The following VAV2 variants were observed in gnomAD, a reference collection of about 807,000 sequenced individuals.
The protein encoded by VAV2 is guanine nucleotide exchange factor VAV2.
VAV2 carries 67 observed loss-of-function variants against 132.5 expected under a neutral mutation model. That is an observed-to-expected ratio of 0.51 (90% CI 0.42 to 0.62). The LOEUF (loss-of-function observed/expected upper bound fraction) is 0.62. VAV2 is among the 20% of genes least tolerant of loss of function. VAV2 has a pLI of 0.00. For missense variants in VAV2, 938 were observed against 1,153.6 expected, an observed-to-expected ratio of 0.81 and a Z score of 2.71; for synonymous variants, 492 against 443.5, an observed-to-expected ratio of 1.11 and a Z score of -1.37.
At chr9:133,808,962 G>T in intron 7 of VAV2, 78 bp downstream of exon 7, 2 of 1,346,396 alleles carry the variant, frequency 1.5e-6, no homozygotes, top group South Asian at 1.3e-5. Context: ...CCTCCGGAAT[G>T]CACTCCCAGG....
intron 2 of VAV2, among the ~76,000 whole-genome samples, chr9:133,938,038 C>T (rs541031816): frequency 1.5e-3 from 226 of 152,368 alleles, no homozygotes; most frequent in Non-Finnish European, 2.4e-3. Context: ...ACACGCTCCT[C>T]TCAGAACCGA....
chr9:133,958,349 G>A (rs1401248280), intron 1 of VAV2, among the ~76,000 whole-genome samples: 4 of 147,144 alleles, frequency 2.7e-5, no homozygotes, highest in Non-Finnish European at 6.1e-5. Flanking sequence ...GGGAAAAACC[G>A]CCTTAGGGCT....
At chr9:133,784,197 C>T (rs1178393223) in intron 18 of VAV2, 120 bp downstream of exon 18, 1 of 1,102,376 alleles carries the variant, frequency 9.1e-7, no homozygotes. Context: ...GTGGGGTATA[C>T]TCCCTTAACC....
chr9:133,981,304 C>A (rs373111627), intron 1 of VAV2, among the ~76,000 whole-genome samples: 15 of 152,350 alleles, frequency 9.8e-5, no homozygotes, highest in South Asian at 6.2e-4. Flanking sequence ...CACGACCACA[C>A]CCCCCACTAT....
chr9:133,969,191 C>G lies in VAV2; in HGVS notation c.204+22884G>C. 6.6e-6 allele frequency among the ~76,000 whole-genome samples: 1 copy of G among 151,750 alleles called. No homozygotes were observed. Among genetic ancestry groups the G allele is most frequent in the Middle Eastern group, 3.2e-3 (1 of 316 alleles). ...TGCGAGGACGAGAGCTGGATTCCAC[C>G]GTGCCCGCCGGGCCTGCGAGGACGA... is the stretch of plus-strand genomic sequence containing the variant. On this transcript the variant is annotated intron_variant, in intron 1 of 29. Transcript: ENST00000371850. The surrounding 1 kb of genome is among the most constrained non-coding windows in gnomAD (Gnocchi z 5.1).
At chr9:133,783,744 C>A (rs1834101883) in intron 18 of VAV2, among the ~76,000 whole-genome samples, 153 bp from the exon 19 acceptor site, 1 of 152,064 alleles carries the variant, frequency 6.6e-6, no homozygotes, top group African/African-American at 2.4e-5. Flanking sequence ...CCAGGACCCT[C>A]CCTTACCAGG....
intron 2 of VAV2, among the ~76,000 whole-genome samples, chr9:133,864,015 G>A (rs566453098): frequency 6.6e-6 from 1 of 152,144 alleles, no homozygotes; most frequent in Non-Finnish European, 1.5e-5. Context: ...AGAGCTGGGT[G>A]TCCCCAGGGG....
chr9:133,848,052 C>T (rs59444320), intron 3 of VAV2, among the ~76,000 whole-genome samples: 6,575 of 152,068 alleles, frequency 0.043, 431 homozygotes, highest in African/African-American at 0.14. Context: ...CCGAGACGGG[C>T]GGATCACGAG....
intron 1 of VAV2, among the ~76,000 whole-genome samples, chr9:133,957,536 G>A (rs1333452676): frequency 7.9e-5 from 12 of 152,090 alleles, no homozygotes; most frequent in South Asian, 2.1e-4. Flanking sequence ...CTGCCTCCCC[G>A]GCTGCAGGGC....
At chr9:133,965,335 T>A (rs1472986441) in intron 1 of VAV2, among the ~76,000 whole-genome samples, 67 of 143,388 alleles carry the variant, frequency 4.7e-4, no homozygotes, top group African/African-American at 1.3e-3. Flanking sequence ...AAAAAAAAAA[T>A]AATAATAACA....
chr9:133,773,884 T>C (rs1203394051), intron 25 of VAV2, among the ~76,000 whole-genome samples: 1 of 152,230 alleles, frequency 6.6e-6, no homozygotes, highest in Admixed American at 6.5e-5. Flanking sequence ...TCTATATGAC[T>C]GGCAGCACTG....
At chr9:133,953,090 G>A (rs570861573) in intron 1 of VAV2, among the ~76,000 whole-genome samples, 1 of 152,168 alleles carries the variant, frequency 6.6e-6, no homozygotes, top group African/African-American at 2.4e-5. Flanking sequence ...CTAGAACCTG[G>A]AGGGAGCACA....
intron 2 of VAV2, among the ~76,000 whole-genome samples, chr9:133,870,589 G>C (rs1837986802): frequency 6.6e-6 from 1 of 152,150 alleles, no homozygotes; most frequent in African/African-American, 2.4e-5. Flanking sequence ...AGGAGTCTGA[G>C]AGACCACCTG....
At chr9:133,956,919 C>A (rs563229209) in intron 1 of VAV2, among the ~76,000 whole-genome samples, 2 of 152,358 alleles carry the variant, frequency 1.3e-5, no homozygotes, top group Admixed American at 1.3e-4. Flanking sequence ...TGGGCCAGAG[C>A]TGGTACTTCA....
chr9:133,795,596 G>A (rs920812852), intron 12 of VAV2, 72 bp downstream of exon 12: 2 of 1,569,992 alleles, frequency 1.3e-6, no homozygotes, highest in African/African-American at 2.7e-5. Flanking sequence ...TCGTTAATGA[G>A]CCCAATTCCA....
chr9:133,764,147 TG>T, intron 29 of VAV2, 38 bp from the exon 30 acceptor site: 3 of 1,613,046 alleles, frequency 1.9e-6, no homozygotes, highest in Non-Finnish European at 2.5e-6. Context: ...TGTGTGTGTG[TG>T]TGTGTGTAAG....
intron 25 of VAV2, 31 bp from the exon 26 acceptor site, chr9:133,772,077 G>GTGAGGGCCACACGGCCCCGGCGGTCACCA (rs749748745): frequency 3.1e-6 from 5 of 1,597,074 alleles, no homozygotes; most frequent in African/African-American, 1.3e-5. Flanking sequence ...GGCGGTCACC[G>GTGAGGGCCACACGGCCCCGGCGGTCACCA]CGTGAGGGCC....
At chr9:133,831,174 G>A (rs1193462651) in intron 4 of VAV2, among the ~76,000 whole-genome samples, 2 of 152,100 alleles carry the variant, frequency 1.3e-5, no homozygotes, top group Non-Finnish European at 2.9e-5. Flanking sequence ...GGTGGCTCAC[G>A]CCTGTAATCT....
At chr9:133,777,488 G>T in intron 22 of VAV2, 25 bp from the exon 23 acceptor site, 1 of 1,611,848 alleles carries the variant, frequency 6.2e-7, no homozygotes, top group Non-Finnish European at 8.5e-7. Context: ...AGATGGTTAG[G>T]ACAAGGGGGC....
Sources: gnomAD v4.1 joint callset for allele counts (sites outside exome capture counted in the v4.1 genomes callset) on GRCh38, gnomAD v4.1.1 for gene constraint, Gnocchi (gnomAD v3.1) non-coding constraint, MANE v1.5 for transcripts, NCBI Gene and HGNC (gene_info 2026-07-23, HGNC 2026-07-21) for gene names.